MSRA: variants seen among roughly 807,000 people sequenced by gnomAD.
MSRA encodes the protein methionine sulfoxide reductase A, also known as mitochondrial peptide methionine sulfoxide reductase.
In MSRA, 54 loss-of-function variants were observed where a neutral mutation model predicts 31.3. The ratio of observed to expected loss-of-function variants is 1.73; its 90% confidence interval spans 1.39 to 2.17. The LOEUF (loss-of-function observed/expected upper bound fraction) is 2.17, where lower values mean the gene tolerates loss of function less well. Ranked by LOEUF, MSRA falls within the 30% of genes most tolerant of loss-of-function variation. MSRA has a pLI of 0.00. For synonymous variants in MSRA, 169 were observed against 116.5 expected, an observed-to-expected ratio of 1.45 and a Z score of -2.90; for missense variants, 507 against 300.9, an observed-to-expected ratio of 1.69 and a Z score of -5.07.
In MSRA at chr8:10,101,549, C is replaced by T. The variant is rs139492804; in HGVS notation, c.142+46891C>T. On this transcript the variant is annotated intron_variant, in intron 1 of 5. Transcript: ENST00000317173. ...TTCTATTCTTCCCTTCCCCAAACCC[C>T]GCAACAGAATCGTGGCAACCTTGAT... Among the ~76,000 whole-genome samples, 370 of 152,268 alleles carry T rather than the reference C, an allele frequency of 2.4e-3. 3 individuals carry two copies. Among genetic ancestry groups the T allele is most frequent in the African/African-American group, 8.3e-3 (345 of 41,548 alleles).
At chr8:10,291,274 C>T (rs1800219005) in intron 3 of MSRA, among the ~76,000 whole-genome samples, 1 of 152,132 alleles carries the variant, frequency 6.6e-6, no homozygotes, top group Non-Finnish European at 1.5e-5. Context: ...ATAAATTCTC[C>T]ATCGTGTCTC....
intron 1 of MSRA, among the ~76,000 whole-genome samples, chr8:10,084,217 G>T (rs766754495): frequency 1.3e-5 from 2 of 152,188 alleles, no homozygotes; most frequent in Non-Finnish European, 2.9e-5. Context: ...TTTTCCTAGC[G>T]CTTCTCTTTC....
intron 1 of MSRA, among the ~76,000 whole-genome samples, chr8:10,182,065 G>C (rs945488803): frequency 5.3e-5 from 8 of 152,138 alleles, no homozygotes; most frequent in Non-Finnish European, 5.9e-5. Context: ...GCTCCTATCT[G>C]GATCTCTTGG....
At chr8:10,383,447 G>T (rs966708700) in intron 5 of MSRA, among the ~76,000 whole-genome samples, 1 of 152,160 alleles carries the variant, frequency 6.6e-6, no homozygotes, top group Non-Finnish European at 1.5e-5. Flanking sequence ...CAGCTTCTGA[G>T]CTCTAGTGAA....
chr8:10,218,095 T>A (rs1810156974), intron 2 of MSRA, among the ~76,000 whole-genome samples: 1 of 151,734 alleles, frequency 6.6e-6, no homozygotes, highest in African/African-American at 2.4e-5. Context: ...CAGGAGGCAT[T>A]TAACACCCGG....
chr8:10,405,767 ACACC>A (rs1807770249), intron 5 of MSRA, among the ~76,000 whole-genome samples: 11 of 49,856 alleles, frequency 2.2e-4, no homozygotes, highest in Non-Finnish European at 4.7e-4. Context: ...GTGCTCACAC[ACACC>A]TATGTGCTCA....
intron 1 of MSRA, among the ~76,000 whole-genome samples, chr8:10,138,228 C>T (rs553797955): frequency 6.6e-6 from 1 of 152,238 alleles, no homozygotes; most frequent in Non-Finnish European, 1.5e-5. Flanking sequence ...AAATGGATAT[C>T]TCTTTGAGAG....
At chr8:10,373,421 C>T (rs897718393) in intron 5 of MSRA, among the ~76,000 whole-genome samples, 20 of 152,326 alleles carry the variant, frequency 1.3e-4, no homozygotes, top group Non-Finnish European at 2.5e-4. Context: ...CAGGCATGTG[C>T]GGTGGCACGA....
chr8:10,224,221 C>T (rs915641053), intron 2 of MSRA, among the ~76,000 whole-genome samples: 3 of 152,140 alleles, frequency 2.0e-5, no homozygotes, highest in African/African-American at 7.2e-5. Context: ...ACCCACTTAG[C>T]TATAAACCAG....
chr8:10,168,525 A>G (rs566354986), intron 1 of MSRA, among the ~76,000 whole-genome samples: 27 of 152,334 alleles, frequency 1.8e-4, no homozygotes, highest in South Asian at 6.2e-4. Context: ...GGAGGAGGGA[A>G]GTAGCATTGA....
intron 5 of MSRA, among the ~76,000 whole-genome samples, chr8:10,342,224 G>C (rs1304451187): frequency 6.6e-6 from 1 of 152,148 alleles, no homozygotes; most frequent in Non-Finnish European, 1.5e-5. Flanking sequence ...GCAGTTCTCA[G>C]ACTTTTTGAC....
chr8:10,195,464 T>C (rs773531447), intron 1 of MSRA, among the ~76,000 whole-genome samples: 1 of 152,172 alleles, frequency 6.6e-6, no homozygotes, highest in Non-Finnish European at 1.5e-5. Context: ...TGGTCTTGAA[T>C]TCCTCAGCTC....
In MSRA at chr8:10,121,599, G is replaced by C. The variant is rs962815023; in HGVS notation, c.142+66941G>C. 2.0e-5 allele frequency among the ~76,000 whole-genome samples: 3 copies of C among 152,210 alleles called. No homozygotes were observed. In the East Asian group the frequency reaches 5.8e-4, roughly 29 times the overall value. On this transcript the variant is annotated intron_variant, in intron 1 of 5. Transcript: ENST00000317173. Reference sequence around the variant, plus strand: ...CAGAATTGCCATTTTTCATTAATTTGCCTATGTGATGAACATGAAGGGAAA... The same window carrying C: ...CAGAATTGCCATTTTTCATTAATTTCCCTATGTGATGAACATGAAGGGAAA...
chr8:10,153,894 C>T (rs1253150174), intron 1 of MSRA, among the ~76,000 whole-genome samples: 3 of 152,236 alleles, frequency 2.0e-5, no homozygotes, highest in African/African-American at 7.2e-5. Flanking sequence ...TCTCTGATAT[C>T]ACTAAATAAA....
At chr8:10,291,789 T>C (rs958551759) in intron 3 of MSRA, among the ~76,000 whole-genome samples, 6 of 152,146 alleles carry the variant, frequency 3.9e-5, no homozygotes, top group Non-Finnish European at 8.8e-5. Context: ...ATGGTTATTA[T>C]TTAATGAAAA....
intron 5 of MSRA, among the ~76,000 whole-genome samples, chr8:10,341,239 C>A (rs998328730): frequency 6.6e-6 from 1 of 152,158 alleles, no homozygotes; most frequent in Admixed American, 6.5e-5. Context: ...TTACAGGAAG[C>A]CTGCTGGCAT....
chr8:10,102,103 C>T (rs893303629), intron 1 of MSRA, among the ~76,000 whole-genome samples: 1 of 152,064 alleles, frequency 6.6e-6, no homozygotes, highest in African/African-American at 2.4e-5. Context: ...TTATGTTGTG[C>T]CTTTTTGTGG....
intron 1 of MSRA, among the ~76,000 whole-genome samples, chr8:10,132,897 T>G (rs1801999038): frequency 6.6e-6 from 1 of 152,084 alleles, no homozygotes; most frequent in Non-Finnish European, 1.5e-5. Context: ...GAAGAACGAG[T>G]CTTGGCCATT....
At chr8:10,075,164 A>T (rs527438850) in intron 1 of MSRA, among the ~76,000 whole-genome samples, 2 of 152,134 alleles carry the variant, frequency 1.3e-5, no homozygotes, top group Non-Finnish European at 2.9e-5. Flanking sequence ...GTATAATGGC[A>T]TTGCAAATTT....
Sources: allele counts gnomAD v4.1 joint callset (sites outside exome capture counted in the v4.1 genomes callset), GRCh38; gene constraint gnomAD v4.1.1; transcripts MANE v1.5; gene names NCBI Gene and HGNC (gene_info 2026-07-23, HGNC 2026-07-21).